KIF13B: variants seen among roughly 807,000 people sequenced by gnomAD.
KIF13B encodes the protein kinesin-like protein KIF13B.
Under a neutral mutation model 222.0 loss-of-function variants are expected in KIF13B, and 127 were observed. That is an observed-to-expected ratio of 0.57 (90% CI 0.50 to 0.66). The LOEUF is 0.66. Among genes scored for constraint, KIF13B ranks in the 30% least tolerant of loss-of-function variants. The probability of loss-of-function intolerance (pLI) is 0.00; values close to 1 mark genes in which losing one functional copy is unlikely to be tolerated. For missense variants in KIF13B, 2,173 were observed against 2,379.0 expected (o/e 0.91, Z 1.80); for synonymous variants, 976 against 919.0 (o/e 1.06, Z -1.12).
Position 29,146,289 on chromosome 8 carries a change from C to A in KIF13B, c.2187+89G>T, listed in dbSNP as rs1586840077. Reference sequence around the variant, plus strand: ...GATCTGGACTTGGGGCAGGCACAGACAGGGATCTGAAGCTTAAATAACACC... The same window carrying A: ...GATCTGGACTTGGGGCAGGCACAGAAAGGGATCTGAAGCTTAAATAACACC... On this transcript the variant is annotated intron_variant, in intron 18 of 39. Transcript: ENST00000524189. The A allele has an allele frequency of 2.9e-6, 4 of 1,358,798 alleles. No homozygotes were observed. In the East Asian group the frequency reaches 9.2e-5, roughly 31 times the overall value. The allele number at this position is 1,358,798 out of a possible 1,614,324, so 84.2% of individuals were successfully genotyped here. A position where few individuals can be genotyped will look rare whatever the true frequency, so the allele number is the denominator to read the frequency against.
intron 2 of KIF13B, among the ~76,000 whole-genome samples, chr8:29,219,874 G>A (rs1372968961): frequency 1.3e-5 from 2 of 152,130 alleles, no homozygotes; most frequent in Non-Finnish European, 2.9e-5. Flanking sequence ...ACCAGCCTGG[G>A]GAACATGGTG....
intron 7 of KIF13B, among the ~76,000 whole-genome samples, chr8:29,180,529 T>A (rs532658210): frequency 2.0e-5 from 3 of 152,290 alleles, no homozygotes; most frequent in African/African-American, 7.2e-5. Flanking sequence ...ACACCAACCC[T>A]CATCTAATAT....
chr8:29,172,206 G>A (rs1357352974), intron 10 of KIF13B, among the ~76,000 whole-genome samples: 3 of 149,136 alleles, frequency 2.0e-5, no homozygotes, highest in East Asian at 2.0e-4. Context: ...TCAGCCTCCC[G>A]AGTAGCTGGA....
intron 2 of KIF13B, among the ~76,000 whole-genome samples, chr8:29,243,289 A>G (rs1366389110): frequency 2.6e-5 from 4 of 151,328 alleles, no homozygotes; most frequent in African/African-American, 4.9e-5. Flanking sequence ...CGGAGGTTGC[A>G]GTGAGCCAAG....
At chr8:29,153,235 G>A (rs1811377594) in intron 14 of KIF13B, among the ~76,000 whole-genome samples, 1 of 152,192 alleles carries the variant, frequency 6.6e-6, no homozygotes, top group South Asian at 2.1e-4. Flanking sequence ...ATAATGAAAA[G>A]ATGGTAGCAA....
chr8:29,167,665 G>A (rs1563756054), intron 10 of KIF13B, 80 bp from the exon 11 acceptor site: 5 of 1,205,264 alleles, frequency 4.1e-6, no homozygotes, highest in Non-Finnish European at 6.1e-6. Context: ...ATCAAAAATG[G>A]TGAACAAATT....
intron 24 of KIF13B, among the ~76,000 whole-genome samples, chr8:29,128,857 C>T (rs549330778): frequency 5.3e-5 from 8 of 152,214 alleles, no homozygotes; most frequent in Non-Finnish European, 8.8e-5. Context: ...TCCTCTGCCA[C>T]GTTCCCGTTC....
intron 23 of KIF13B, among the ~76,000 whole-genome samples, chr8:29,130,948 A>C (rs961748073): frequency 1.3e-5 from 2 of 152,220 alleles, no homozygotes; most frequent in African/African-American, 2.4e-5. Context: ...TGGAAATTCT[A>C]ATCAGATGTA....
chr8:29,175,468 A>G (rs1812436318), intron 10 of KIF13B, among the ~76,000 whole-genome samples: 1 of 152,166 alleles, frequency 6.6e-6, no homozygotes, highest in Non-Finnish European at 1.5e-5. Flanking sequence ...TTCTTCTCCT[A>G]CCACCGCACA....
rs759346506 is a variant in KIF13B, at chr8:29,155,748, G to T, written c.1513C>A (p.Leu505Met). ...IDITSEGQVM[L>M]TPQKNTRTFV... ...TACCTGGTGTTCTTCTGAGGAGTCA[G>T]CATAACCTGGCCTTCTGACGTGATG... Residue 505 changes from leucine to methionine, a missense_variant, in exon 14 of 40, where the codon CTG (leucine) becomes ATG (methionine). Physicochemically the swap from Leu to Met is conservative, Grantham distance 15. This residue lies in a region of KIF13B where 1,480 missense variants were observed against 1,722.8 expected (regional missense o/e 0.86). Coordinates refer to ENST00000524189, the MANE Select transcript of KIF13B (RefSeq NM_015254.4). 1.9e-6 allele frequency: 3 copies of T among 1,604,704 alleles called. No individual in the cohort carries two copies. The highest frequency in any genetic ancestry group is 2.6e-6 in the Non-Finnish European group (3 of 1,175,012).
chr8:29,143,967 CAG>C (rs1810938124), intron 18 of KIF13B, among the ~76,000 whole-genome samples: 1 of 150,910 alleles, frequency 6.6e-6, no homozygotes. Context: ...GGATTTTTTT[CAG>C]AGTAGAACTT....
chr8:29,151,186 C>T (rs1362431713), intron 14 of KIF13B, among the ~76,000 whole-genome samples: 2 of 152,172 alleles, frequency 1.3e-5, no homozygotes, highest in Non-Finnish European at 2.9e-5. Flanking sequence ...CTCAACCAAA[C>T]CCTAACCCAG....
upstream of KIF13B, among the ~76,000 whole-genome samples, chr8:29,263,290 A>T (rs375399202): frequency 6.6e-6 from 1 of 152,356 alleles, no homozygotes. Flanking sequence ...ACTTACCTAC[A>T]GCAATGACGG....
chr8:29,142,864 T>C (rs1391505740), intron 18 of KIF13B, among the ~76,000 whole-genome samples: 3 of 151,670 alleles, frequency 2.0e-5, no homozygotes, highest in Admixed American at 6.6e-5. Context: ...CATGTGTGTG[T>C]GTGTAAAGAG....
intron 25 of KIF13B, 116 bp downstream of exon 25, chr8:29,127,005 TA>T: frequency 1.1e-6 from 1 of 920,940 alleles, no homozygotes; most frequent in Middle Eastern, 3.4e-4. Flanking sequence ...ACAGCAAAGG[TA>T]AACAAAGAGA....
At chr8:29,149,969 T>TA (rs567688707) in intron 15 of KIF13B, among the ~76,000 whole-genome samples, 6 of 150,920 alleles carry the variant, frequency 4.0e-5, no homozygotes, top group Admixed American at 1.3e-4. Flanking sequence ...AAAAAATAAA[T>TA]AAAAAAAAAG....
At chr8:29,116,700 C>T in intron 31 of KIF13B, 131 bp downstream of exon 31, 1 of 736,988 alleles carries the variant, frequency 1.4e-6, no homozygotes. Context: ...AGGACAGCAG[C>T]AGTCACCTGG....
At chr8:29,074,549 G>C (rs1807463503) in intron 38 of KIF13B, among the ~76,000 whole-genome samples, 1 of 152,252 alleles carries the variant, frequency 6.6e-6, no homozygotes, top group Non-Finnish European at 1.5e-5. Context: ...TGCCTTCACT[G>C]GCAAGGGGCT....
intron 8 of KIF13B, among the ~76,000 whole-genome samples, chr8:29,178,045 C>T (rs767488630): frequency 2.0e-5 from 3 of 152,138 alleles, no homozygotes; most frequent in South Asian, 2.1e-4. Context: ...TACAATCTAA[C>T]GGTGGAGACA....
Sources: gnomAD v4.1 joint callset for allele counts (sites outside exome capture counted in the v4.1 genomes callset) on GRCh38, gnomAD v4.1.1 for gene constraint, gnomAD v4.1.1 regional missense constraint, MANE v1.5 for transcripts, NCBI Gene and HGNC (gene_info 2026-07-23, HGNC 2026-07-21) for gene names.